Variants in SHISA9 observed in about 807,000 individuals in gnomAD.
SHISA9 encodes the protein shisa family member 9.
SHISA9 carries 13 observed loss-of-function variants against 38.0 expected under a neutral mutation model. That is an observed-to-expected ratio of 0.34 (90% CI 0.22 to 0.54). The LOEUF is 0.54. Ranked by LOEUF, SHISA9 falls within the 20% of genes least tolerant of loss-of-function variation. SHISA9 has a pLI of 0.91. For synonymous variants in SHISA9, 275 were observed against 242.0 expected, an observed-to-expected ratio of 1.14 and a Z score of -1.27; for missense variants, 538 against 575.8, an observed-to-expected ratio of 0.93 and a Z score of 0.67.
the SHISA9 span, among the ~76,000 whole-genome samples, chr16:13,558,294 A>C: frequency 1.3e-5 from 2 of 152,190 alleles, no homozygotes; most frequent in African/African-American, 4.8e-5. Context: ...GGGTGCAAAT[A>C]ATGTAAATAA....
At chr16:13,275,877 G>C in the SHISA9 span, among the ~76,000 whole-genome samples, 1 of 151,310 alleles carries the variant, frequency 6.6e-6, no homozygotes, top group Non-Finnish European at 1.5e-5. Flanking sequence ...GTTCTAACTA[G>C]GTCTTCATCA....
the SHISA9 span, among the ~76,000 whole-genome samples, chr16:13,454,045 G>A: frequency 1.3e-5 from 2 of 152,162 alleles, no homozygotes; most frequent in Admixed American, 6.5e-5. Context: ...ACCAGTGAGA[G>A]GTAAGGAGAA....
chr16:13,488,200 C>T, the SHISA9 span, among the ~76,000 whole-genome samples: 4 of 151,482 alleles, frequency 2.6e-5, no homozygotes, highest in East Asian at 5.8e-4. Flanking sequence ...ATTCTTCCCC[C>T]CAGATTAAAT....
the SHISA9 span, among the ~76,000 whole-genome samples, chr16:13,251,325 C>G: frequency 1.3e-5 from 2 of 152,302 alleles, no homozygotes; most frequent in South Asian, 4.1e-4. Flanking sequence ...CTGCTTTTGA[C>G]TAACTTTTTT....
intron 3 of SHISA9, among the ~76,000 whole-genome samples, chr16:13,210,769 A>G (rs2142063031): frequency 6.6e-6 from 1 of 152,334 alleles, no homozygotes; most frequent in Non-Finnish European, 1.5e-5. Flanking sequence ...CAAGCTTAGC[A>G]TAGTTATTTC....
chr16:12,973,230 A>G (rs1034457197), intron 2 of SHISA9, among the ~76,000 whole-genome samples: 10 of 152,366 alleles, frequency 6.6e-5, no homozygotes, highest in Middle Eastern at 3.4e-3. Context: ...TGAATCCCAT[A>G]TTCACAGAAA....
At chr16:13,330,933 C>G in the SHISA9 span, among the ~76,000 whole-genome samples, 1 of 152,156 alleles carries the variant, frequency 6.6e-6, no homozygotes, top group African/African-American at 2.4e-5. Context: ...TCTCCCTGGC[C>G]TCATCCCTCT....
At chr16:13,150,104 G>GATT (rs1259374333) in intron 2 of SHISA9, among the ~76,000 whole-genome samples, 2 of 140,652 alleles carry the variant, frequency 1.4e-5, no homozygotes, top group Non-Finnish European at 3.0e-5. Flanking sequence ...CCCTGGCCAA[G>GATT]ATTGACTTCT....
chr16:13,427,219 ACAC>A, the SHISA9 span, among the ~76,000 whole-genome samples: 1 of 152,350 alleles, frequency 6.6e-6, no homozygotes, highest in African/African-American at 2.4e-5. Flanking sequence ...AGCCAGAGTC[ACAC>A]GTCAAAGAGA....
the SHISA9 span, among the ~76,000 whole-genome samples, chr16:13,435,285 T>C: frequency 6.6e-6 from 1 of 152,106 alleles, no homozygotes; most frequent in Non-Finnish European, 1.5e-5. Context: ...CACTTAGAAC[T>C]GCAAAGACTT....
chr16:12,993,382 G>A (rs939132987), intron 2 of SHISA9, among the ~76,000 whole-genome samples: 1 of 152,166 alleles, frequency 6.6e-6, no homozygotes. Context: ...AACTGGATTT[G>A]TATCTGGTCT....
chr16:13,037,657 G>C (rs1487188567), intron 2 of SHISA9, among the ~76,000 whole-genome samples: 1 of 152,118 alleles, frequency 6.6e-6, no homozygotes, highest in Non-Finnish European at 1.5e-5. Context: ...TATCACCATG[G>C]TTTAAACTCT....
At chr16:13,270,192 T>G in the SHISA9 span, among the ~76,000 whole-genome samples, 1 of 152,112 alleles carries the variant, frequency 6.6e-6, no homozygotes, top group Admixed American at 6.6e-5. Flanking sequence ...TTTCCCCTGA[T>G]GGTGAGGGTC....
intron 2 of SHISA9, among the ~76,000 whole-genome samples, chr16:13,145,061 T>C (rs1485847817): frequency 6.6e-6 from 1 of 152,214 alleles, no homozygotes; most frequent in East Asian, 1.9e-4. Context: ...ATTGTTTTCT[T>C]AGTGCTGGCT....
chr16:12,927,158 T>G (rs1313447268), intron 2 of SHISA9, among the ~76,000 whole-genome samples: 1 of 152,132 alleles, frequency 6.6e-6, no homozygotes, highest in Non-Finnish European at 1.5e-5. Flanking sequence ...TTAAAATAAT[T>G]TATAATAAGG....
chr16:13,403,479 C>A, the SHISA9 span, among the ~76,000 whole-genome samples: 1 of 152,254 alleles, frequency 6.6e-6, no homozygotes, highest in East Asian at 1.9e-4. Context: ...GAGGAGCTAT[C>A]CCCTGCAGAA....
the SHISA9 span, among the ~76,000 whole-genome samples, chr16:13,405,368 G>A: frequency 6.6e-6 from 1 of 152,228 alleles, no homozygotes; most frequent in African/African-American, 2.4e-5. Flanking sequence ...ATTCTGTGCA[G>A]TGTGCACTCA....
At chr16:13,473,060 T>C in the SHISA9 span, among the ~76,000 whole-genome samples, 1 of 152,236 alleles carries the variant, frequency 6.6e-6, no homozygotes, top group Non-Finnish European at 1.5e-5. Context: ...ATGCCAGTCA[T>C]TGTAAATTAT....
At chr16:13,446,986 G>GA in the SHISA9 span, among the ~76,000 whole-genome samples, 2,977 of 121,678 alleles carry the variant, frequency 0.024, 124 homozygotes, top group East Asian at 0.27. Context: ...TCTCAAAAAA[G>GA]AAAAAAAAAA....
Sources: allele counts gnomAD v4.1 joint callset (sites outside exome capture counted in the v4.1 genomes callset), GRCh38; gene constraint gnomAD v4.1.1; transcripts MANE v1.5; gene names NCBI Gene and HGNC (gene_info 2026-07-23, HGNC 2026-07-21).